LPAR1: variants seen among roughly 807,000 people sequenced by gnomAD.
LPAR1 encodes the protein LPA receptor 1.
In LPAR1, 5 loss-of-function variants were observed where a neutral mutation model predicts 23.8. The observed-to-expected ratio is 0.21, with a 90% CI of 0.11 to 0.44. The LOEUF (loss-of-function observed/expected upper bound fraction) is 0.44, where lower values mean the gene tolerates loss of function less well. Among genes scored for constraint, LPAR1 ranks in the 20% least tolerant of loss-of-function variants. LPAR1 has a pLI of 0.99. For synonymous variants in LPAR1, 160 were observed against 164.7 expected, an observed-to-expected ratio of 0.97 and a Z score of 0.22; for missense variants, 311 against 482.8, an observed-to-expected ratio of 0.64 and a Z score of 3.33.
At chr9:110,903,383 A>G (rs2089998347) in intron 5 of LPAR1, 1 of 152,174 alleles carries the variant, frequency 6.6e-6, no homozygotes, top group East Asian at 1.9e-4. Context: ...AACAGCATAG[A>G]TAAGATTAGC....
At chr9:110,998,458 A>C (rs2097062822) in intron 2 of LPAR1, among the ~76,000 whole-genome samples, 1 of 152,228 alleles carries the variant, frequency 6.6e-6, no homozygotes, top group Non-Finnish European at 1.5e-5. Flanking sequence ...AAAGACTGTA[A>C]CTGAAACACC....
chr9:110,995,616 T>C (rs892745025), intron 2 of LPAR1, among the ~76,000 whole-genome samples: 2 of 152,176 alleles, frequency 1.3e-5, no homozygotes, highest in African/African-American at 4.8e-5. Context: ...ATGTAAATAC[T>C]CTGGCTTCCT....
intron 5 of LPAR1, among the ~76,000 whole-genome samples, chr9:110,922,819 T>C (rs1216967688): frequency 4.3e-5 from 3 of 69,204 alleles, no homozygotes; most frequent in Admixed American, 4.5e-4. Flanking sequence ...CAAGGTCTTA[T>C]TATTATATTA....
intron 5 of LPAR1, among the ~76,000 whole-genome samples, chr9:110,927,966 G>A (rs1465297936): frequency 3.3e-5 from 5 of 152,016 alleles, no homozygotes; most frequent in Non-Finnish European, 7.4e-5. Flanking sequence ...AAAAATCAAT[G>A]TTACTGTAAT....
chr9:110,911,660 G>A (rs1161340953), intron 5 of LPAR1, among the ~76,000 whole-genome samples: 1 of 152,124 alleles, frequency 6.6e-6, no homozygotes. Context: ...ATGACTGTTA[G>A]CATTTTTAAA....
intron 2 of LPAR1, among the ~76,000 whole-genome samples, chr9:111,030,413 C>T (rs1295386588): frequency 6.6e-6 from 1 of 152,194 alleles, no homozygotes; most frequent in Non-Finnish European, 1.5e-5. Flanking sequence ...TAAGAACACA[C>T]CATCCTTATC....
intron 4 of LPAR1, among the ~76,000 whole-genome samples, chr9:110,964,853 C>CTTTTTTT (rs35426082): frequency 3.0e-5 from 2 of 67,072 alleles, no homozygotes; most frequent in Admixed American, 2.3e-4. Context: ...ACACCAATCA[C>CTTTTTTT]TTTTTTTTTT....
intron 1 of LPAR1, among the ~76,000 whole-genome samples, chr9:111,037,010 T>C (rs1008115025): frequency 3.3e-5 from 5 of 152,184 alleles, no homozygotes; most frequent in African/African-American, 1.2e-4. Context: ...GACCCACTCT[T>C]CTATCCGGCA....
At chr9:110,884,942 G>A (rs771273468) in intron 5 of LPAR1, among the ~76,000 whole-genome samples, 10 of 151,884 alleles carry the variant, frequency 6.6e-5, no homozygotes, top group Non-Finnish European at 1.0e-4. Flanking sequence ...TGGTATCCTG[G>A]GTGATATCGT....
intron 5 of LPAR1, among the ~76,000 whole-genome samples, chr9:110,896,141 G>A (rs1322408380): frequency 1.3e-5 from 2 of 152,204 alleles, no homozygotes; most frequent in Admixed American, 6.5e-5. Flanking sequence ...CCAGGTATAT[G>A]ATGCTAATGA....
chr9:110,991,579 TTTG>T (rs199560980), intron 2 of LPAR1, among the ~76,000 whole-genome samples: 5,575 of 72,934 alleles, frequency 0.076, 174 homozygotes, highest in African/African-American at 0.15. Context: ...TCTGGTTTGT[TTTG>T]TTGTTGTTGT....
intron 2 of LPAR1, among the ~76,000 whole-genome samples, chr9:111,018,046 A>G (rs1277309651): frequency 2.0e-5 from 3 of 152,122 alleles, no homozygotes; most frequent in Admixed American, 6.5e-5. Flanking sequence ...AAACAAAAAA[A>G]AACTTTTTCA....
chr9:110,994,190 C>T (rs1016855720), intron 2 of LPAR1, among the ~76,000 whole-genome samples: 9 of 152,120 alleles, frequency 5.9e-5, no homozygotes, highest in African/African-American at 2.2e-4. Context: ...AGTTTGAAAT[C>T]TGAATTTAAT....
chr9:110,959,459 TA>T (rs377311485), intron 4 of LPAR1, among the ~76,000 whole-genome samples: 6 of 150,268 alleles, frequency 4.0e-5, no homozygotes, highest in Non-Finnish European at 7.4e-5. Context: ...CTACCAAAAA[TA>T]AAAAAAAATT....
chr9:110,876,375 T>C (rs1465096169), intron 5 of LPAR1, among the ~76,000 whole-genome samples: 1 of 152,252 alleles, frequency 6.6e-6, no homozygotes, highest in Non-Finnish European at 1.5e-5. Context: ...TTGGAAATTG[T>C]GATTTTCAAT....
chr9:110,941,402 C>A lies in LPAR1; in HGVS notation c.793+19G>T, dbSNP rs1178149362. 5 of 1,579,944 alleles carry A rather than the reference C, an allele frequency of 3.2e-6. No individual in the cohort carries two copies. Among genetic ancestry groups the A allele is most frequent in the Non-Finnish European group, 4.3e-6 (5 of 1,163,366 alleles). On this transcript the variant is annotated intron_variant, in intron 5 of 5. Coordinates refer to ENST00000683809, the MANE Select transcript of LPAR1 (RefSeq NM_001351411.2). The surrounding 1 kb of genome is among the most constrained non-coding windows in gnomAD (Gnocchi z 6.1). ...CACTGAGAATCTATAAAGTAAGTTA[C>A]AGTCAAGACAGAACTTACCAAGCAC...
intron 2 of LPAR1, among the ~76,000 whole-genome samples, chr9:110,993,349 T>C (rs1464326932): frequency 7.9e-5 from 12 of 152,180 alleles, no homozygotes; most frequent in Non-Finnish European, 1.3e-4. Context: ...TACCACAAAC[T>C]AATTTTTAAA....
intron 5 of LPAR1, among the ~76,000 whole-genome samples, chr9:110,888,833 A>G (rs2083187127): frequency 6.6e-6 from 1 of 152,214 alleles, no homozygotes; most frequent in Non-Finnish European, 1.5e-5. Flanking sequence ...CAGACTGGAT[A>G]CTGGAGAGAA....
At chr9:110,990,743 G>A (rs2096877612) in intron 2 of LPAR1, among the ~76,000 whole-genome samples, 1 of 151,966 alleles carries the variant, frequency 6.6e-6, no homozygotes, top group Non-Finnish European at 1.5e-5. Flanking sequence ...AAATAAAATA[G>A]TAGATAATTA....
Sources: gnomAD v4.1 joint callset for allele counts (sites outside exome capture counted in the v4.1 genomes callset) on GRCh38, gnomAD v4.1.1 for gene constraint, Gnocchi (gnomAD v3.1) non-coding constraint, MANE v1.5 for transcripts, NCBI Gene and HGNC (gene_info 2026-07-23, HGNC 2026-07-21) for gene names.